PLD1: variants seen among roughly 807,000 people sequenced by gnomAD.
The protein encoded by PLD1 is choline phosphatase 1.
Under a neutral mutation model 137.1 loss-of-function variants are expected in PLD1, and 112 were observed. The observed-to-expected ratio is 0.82, with a 90% CI of 0.70 to 0.96. The LOEUF (loss-of-function observed/expected upper bound fraction) is 0.96. Ranked by LOEUF, PLD1 falls within the 40% of genes least tolerant of loss-of-function variation. The probability of loss-of-function intolerance (pLI) is 0.00; values close to 1 mark genes in which losing one functional copy is unlikely to be tolerated. For missense variants in PLD1, 1,321 were observed against 1,342.0 expected, an observed-to-expected ratio of 0.98 and a Z score of 0.24; for synonymous variants, 431 against 454.7, an observed-to-expected ratio of 0.95 and a Z score of 0.66.
rs192380271 is a variant in PLD1, at chr3:171,625,598, C to T, written c.2594-5078G>A. ...CCCTGAGAAGCTAACTGGGAGGCACCCCCCCGTAGGTGCAGACTGACACCT... is the reference window on the plus strand; with the variant it reads ...CCCTGAGAAGCTAACTGGGAGGCACTCCCCCGTAGGTGCAGACTGACACCT... On this transcript the variant is annotated intron_variant, in intron 23 of 26. Coordinates refer to ENST00000351298, the MANE Select transcript of PLD1 (RefSeq NM_002662.5). Among the ~76,000 whole-genome samples, 19 of 152,302 alleles carry T rather than the reference C, an allele frequency of 1.2e-4. No homozygotes were observed. In the East Asian group the frequency reaches 3.5e-3, roughly 28 times the overall value.
chr3:171,697,237 CTTTTTTT>C lies in PLD1; in HGVS notation c.1227+2501_1227+2507del, dbSNP rs34340739. 3.1e-5 allele frequency among the ~76,000 whole-genome samples: 3 copies of C among 97,316 alleles called. No homozygotes were observed. In the East Asian group the frequency reaches 8.7e-4, roughly 28 times the overall value. 63.8% of individuals were successfully genotyped at this position (97,316 alleles called of 152,430 possible). ...ACTATCAGAGTCACCTTCCGGACAC[CTTTTTTT>C]TTTTTTTTTTTTTTTTTTGAAACAG... On this transcript the variant is annotated intron_variant, in intron 12 of 26. Coordinates refer to ENST00000351298, the MANE Select transcript of PLD1 (RefSeq NM_002662.5).
intron 13 of PLD1, among the ~76,000 whole-genome samples, chr3:171,689,900 G>T (rs926829239): frequency 6.6e-6 from 1 of 152,144 alleles, no homozygotes; most frequent in African/African-American, 2.4e-5. Context: ...CAATTCAGTG[G>T]TATCAGGGTA....
chr3:171,684,988 A>T (rs976263429), intron 16 of PLD1, among the ~76,000 whole-genome samples: 2 of 152,238 alleles, frequency 1.3e-5, no homozygotes, highest in Non-Finnish European at 2.9e-5. Flanking sequence ...GTAGTTGATT[A>T]TTGCATTTTT....
At chr3:171,808,004 A>G (rs1166692822) in intron 1 of PLD1, among the ~76,000 whole-genome samples, 1 of 152,224 alleles carries the variant, frequency 6.6e-6, no homozygotes, top group Non-Finnish European at 1.5e-5. Flanking sequence ...GTTTTCACTA[A>G]TAAGTGGAAG....
intron 23 of PLD1, among the ~76,000 whole-genome samples, chr3:171,632,433 G>T (rs1419542925): frequency 6.6e-6 from 1 of 152,044 alleles, no homozygotes; most frequent in African/African-American, 2.4e-5. Context: ...TTTCAATAAG[G>T]TCTATAAACT....
At chr3:171,671,308 G>C (rs548367036) in intron 19 of PLD1, among the ~76,000 whole-genome samples, 42 of 152,202 alleles carry the variant, frequency 2.8e-4, no homozygotes, top group African/African-American at 9.6e-4. Context: ...TGAGTCCTTT[G>C]GTGATCTCAA....
rs1268543816 is a variant in PLD1 at position 171,603,171 on chromosome 3, C to T, written c.3132G>A (p.Leu1044=). The change falls in exon 27 of 27, where the codon TTG becomes TTA. Residue 1044 remains leucine (L), a synonymous_variant. Transcript: ENST00000351298. ...EEELKKIRGF[L]VQFPFYFLSE... is the part of the protein sequence containing the mutation. Reference sequence around the variant, plus strand: ...ACAAGAAATAAAAGGGGAATTGCACCAAAAATCCACGGATCTTCTTCAGTT... The same window carrying T: ...ACAAGAAATAAAAGGGGAATTGCACTAAAAATCCACGGATCTTCTTCAGTT... 1.9e-6 allele frequency: 3 copies of T among 1,614,024 alleles called. No individual in the cohort carries two copies. Among genetic ancestry groups the T allele is most frequent in the Admixed American group, 1.7e-5 (1 of 59,990 alleles).
At chr3:171,759,471 T>C (rs1364720342) in intron 1 of PLD1, among the ~76,000 whole-genome samples, 1 of 152,234 alleles carries the variant, frequency 6.6e-6, no homozygotes, top group East Asian at 1.9e-4. Flanking sequence ...CTAATTTAAT[T>C]CCAGAATACA....
chr3:171,731,059 C>T (rs1245949713), intron 6 of PLD1, among the ~76,000 whole-genome samples: 2 of 152,304 alleles, frequency 1.3e-5, no homozygotes, highest in East Asian at 1.9e-4. Flanking sequence ...GTTAAACACA[C>T]TTATTCCAAA....
chr3:171,609,507 AACACACACACACACACACACAC>A (rs371080467), intron 25 of PLD1, among the ~76,000 whole-genome samples: 18 of 136,962 alleles, frequency 1.3e-4, no homozygotes, highest in Non-Finnish European at 2.4e-4. Context: ...ACATAAAGAA[AACACACACACACACACACACAC>A]ACACACACAC....
At position 171,646,166 on chromosome 3, in the gene PLD1, T is replaced by G. The variant is rs565852110; in HGVS notation, c.2430-1143A>C. 2.0e-5 allele frequency among the ~76,000 whole-genome samples: 3 copies of G among 152,274 alleles called. No individual in the cohort carries two copies. In the East Asian group the frequency reaches 5.8e-4, roughly 29 times the overall value. ...CGTTCTTGTCTCTATTTATAGGATATACAGGGAGAAGAAAAAGCCTCGAAA... is the reference window on the plus strand; with the variant it reads ...CGTTCTTGTCTCTATTTATAGGATAGACAGGGAGAAGAAAAAGCCTCGAAA... On this transcript the variant is annotated intron_variant, in intron 21 of 26. Transcript: ENST00000351298.
chr3:171,608,550 A>G (rs910780115), intron 25 of PLD1, among the ~76,000 whole-genome samples: 1 of 152,218 alleles, frequency 6.6e-6, no homozygotes, highest in Non-Finnish European at 1.5e-5. Context: ...ATTACATGGT[A>G]TCACACTGGC....
rs773129215 is a variant in PLD1, at chr3:171,677,679, C to T, written c.1883G>A (p.Arg628His). ...TRPHADTGSI[R>H]SLQTGVGELH... The stretch of plus-strand genomic sequence containing the variant: ...CTCTCCCACACCTGTCTGTAAACTA[C>T]GGATGGACCCGGTATCTGTGAATGC... The change falls in exon 17 of 27, where the codon CGT (arginine) becomes CAT (histidine). Residue 628 changes from arginine to histidine, a missense_variant. By Grantham distance (29) the Arg-to-His change is conservative. Coordinates refer to ENST00000351298, the MANE Select transcript of PLD1 (RefSeq NM_002662.5). 6.2e-6 allele frequency: 10 copies of T among 1,613,758 alleles called. No homozygotes were observed. In the Admixed American group the frequency reaches 6.7e-5, roughly 11 times the overall value.
At chr3:171,783,371 A>C (rs1287257497) in intron 1 of PLD1, among the ~76,000 whole-genome samples, 1 of 152,068 alleles carries the variant, frequency 6.6e-6, no homozygotes, top group African/African-American at 2.4e-5. Flanking sequence ...ACTAGGATAG[A>C]AAGAGGAGAG....
chr3:171,699,967 T>G, intron 11 of PLD1, 141 bp from the exon 12 acceptor site: 1 of 683,386 alleles, frequency 1.5e-6, no homozygotes, highest in South Asian at 1.8e-5. Context: ...AGCTTTACTA[T>G]GAGTCTAGGA....
chr3:171,624,600 A>G (rs1012070728), intron 23 of PLD1, among the ~76,000 whole-genome samples: 1 of 152,172 alleles, frequency 6.6e-6, no homozygotes, highest in Non-Finnish European at 1.5e-5. Flanking sequence ...CATTGTATGT[A>G]GTTCCGTTAG....
At chr3:171,701,903 T>C (rs1338157141) in intron 11 of PLD1, among the ~76,000 whole-genome samples, 1 of 152,188 alleles carries the variant, frequency 6.6e-6, no homozygotes, top group African/African-American at 2.4e-5. Flanking sequence ...ATTGCGGAGA[T>C]ATTAAGACGT....
intron 1 of PLD1, among the ~76,000 whole-genome samples, chr3:171,790,386 G>A (rs936419784): frequency 2.0e-5 from 3 of 152,184 alleles, no homozygotes; most frequent in Admixed American, 6.5e-5. Context: ...GATTCATGAT[G>A]TTACGGTTAT....
At chr3:171,682,186 G>A (rs1180289655) in intron 16 of PLD1, among the ~76,000 whole-genome samples, 7 of 142,388 alleles carry the variant, frequency 4.9e-5, no homozygotes, top group Admixed American at 4.9e-4. Flanking sequence ...AAGAAAGAAA[G>A]AAAGGGAATA....
Sources: allele counts gnomAD v4.1 joint callset (sites outside exome capture counted in the v4.1 genomes callset), GRCh38; gene constraint gnomAD v4.1.1; transcripts MANE v1.5; gene names NCBI Gene and HGNC (gene_info 2026-07-23, HGNC 2026-07-21).